The following BRAF variants were observed in gnomAD, a reference collection of about 807,000 sequenced individuals.
BRAF encodes serine/threonine-protein kinase B-raf.
A neutral mutation model predicts 104.6 loss-of-function variants in BRAF; 16 were observed. The observed-to-expected ratio is 0.15, with a 90% CI of 0.10 to 0.23. The LOEUF (loss-of-function observed/expected upper bound fraction) is 0.23, where lower values mean the gene tolerates loss of function less well. BRAF is among the 10% of genes least tolerant of loss of function. BRAF has a pLI of 1.00. For missense variants in BRAF, 541 were observed against 937.3 expected, an observed-to-expected ratio of 0.58 and a Z score of 5.52; for synonymous variants, 310 against 341.6, an observed-to-expected ratio of 0.91 and a Z score of 1.02.
intron 19 of BRAF, among the ~76,000 whole-genome samples, chr7:140,729,195 A>G (rs1795792320): frequency 6.6e-6 from 1 of 152,030 alleles, no homozygotes; most frequent in Non-Finnish European, 1.5e-5. Context: ...GGATTGTACC[A>G]CTGCACTCCA....
At chr7:140,805,091 C>T (rs1160690704) in intron 5 of BRAF, among the ~76,000 whole-genome samples, 4 of 152,172 alleles carry the variant, frequency 2.6e-5, no homozygotes, top group Non-Finnish European at 5.9e-5. Context: ...AGCCACTGTG[C>T]CCAGCCAAAA....
chr7:140,924,128 C>T lies in BRAF; in HGVS notation c.138+438G>A, dbSNP rs1818574913. Among the ~76,000 whole-genome samples, 3 of 152,116 alleles carry T rather than the reference C, an allele frequency of 2.0e-5. No individual in the cohort carries two copies. Among genetic ancestry groups the T allele is most frequent in the South Asian group, 4.2e-4 (2 of 4,816 alleles). On this transcript the variant is annotated intron_variant, in intron 1 of 19. Coordinates refer to ENST00000644969, the MANE Select transcript of BRAF (RefSeq NM_001374258.1). The surrounding 1 kb of genome is among the most constrained non-coding windows in gnomAD (Gnocchi z 4.2). ...TGATGAGCCCCATCATCCCCACGACCATGTAAGAATTACACGCGACAGTAA... is the reference window on the plus strand; with the variant it reads ...TGATGAGCCCCATCATCCCCACGACTATGTAAGAATTACACGCGACAGTAA...
chr7:140,840,353 C>T (rs1186544729), intron 2 of BRAF, among the ~76,000 whole-genome samples: 1 of 84,016 alleles, frequency 1.2e-5, no homozygotes, highest in Non-Finnish European at 2.0e-5. Flanking sequence ...ATTCCATCCA[C>T]ATTTAAACTT....
At chr7:140,726,608 A>G in intron 19 of BRAF, 1 of 1,112,936 alleles carries the variant, frequency 9.0e-7, no homozygotes, top group East Asian at 2.6e-5. Context: ...ACTGAAAAGT[A>G]ACTAGTTATA....
chr7:140,840,660 G>A (rs1586362387), intron 2 of BRAF, among the ~76,000 whole-genome samples: 1 of 151,388 alleles, frequency 6.6e-6, no homozygotes, highest in Non-Finnish European at 1.5e-5. Flanking sequence ...GCACAGTGAC[G>A]CATGCCTGTA....
At chr7:140,909,864 C>CAA (rs1816782813) in intron 1 of BRAF, among the ~76,000 whole-genome samples, 1 of 151,894 alleles carries the variant, frequency 6.6e-6, no homozygotes, top group South Asian at 2.1e-4. Context: ...GCCTCATACA[C>CAA]AAAATGGAGT....
At chr7:140,789,616 G>GT (rs1442628250) in intron 8 of BRAF, among the ~76,000 whole-genome samples, 3 of 152,218 alleles carry the variant, frequency 2.0e-5, no homozygotes, top group Admixed American at 6.5e-5. Flanking sequence ...CTCATGGGAA[G>GT]TAAGATGCAC....
chr7:140,721,950 G>C lies in BRAF; in HGVS notation c.*4544C>G. The C allele has an allele frequency of 8.0e-7, 1 of 1,243,022 alleles. No homozygotes were observed. The highest frequency in any genetic ancestry group is 3.2e-5 in the East Asian group (1 of 30,986). The allele number at this position is 1,243,022 out of a possible 1,614,324, so 77.0% of individuals were successfully genotyped here. A position where few individuals can be genotyped will look rare whatever the true frequency, so the allele number is the denominator to read the frequency against. ...CTCTGAAAAATCAGTGTCTAGGTTG[G>C]CAGCAGTACTCTGGAAACTGATAAA... On this transcript the variant is annotated 3_prime_UTR_variant, in exon 20 of 20. Coordinates refer to ENST00000644969, the MANE Select transcript of BRAF (RefSeq NM_001374258.1).
downstream of BRAF, among the ~76,000 whole-genome samples, chr7:140,717,903 T>C (rs1215112994): frequency 3.0e-4 from 46 of 152,184 alleles, no homozygotes; most frequent in Admixed American, 3.0e-3. Context: ...TTTTTATTTT[T>C]AGCGTGGGTG....
chr7:140,716,774 T>A (rs1490419482), downstream of BRAF, among the ~76,000 whole-genome samples: 1 of 152,170 alleles, frequency 6.6e-6, no homozygotes, highest in East Asian at 1.9e-4. Flanking sequence ...TAATAAAGTT[T>A]GAGATGAGAG....
chr7:140,784,074 T>C (rs931845005), intron 10 of BRAF, among the ~76,000 whole-genome samples: 3 of 152,022 alleles, frequency 2.0e-5, no homozygotes, highest in African/African-American at 7.3e-5. Flanking sequence ...TACAGCTGAG[T>C]AGAACTCAGA....
chr7:140,901,163 TAA>T (rs1815585068), intron 1 of BRAF, among the ~76,000 whole-genome samples: 1 of 152,186 alleles, frequency 6.6e-6, no homozygotes, highest in African/African-American at 2.4e-5. Context: ...AGAAACTAAT[TAA>T]AGTTTGTATG....
intron 3 of BRAF, among the ~76,000 whole-genome samples, chr7:140,831,155 T>C (rs984288597): frequency 1.6e-4 from 25 of 152,178 alleles, no homozygotes; most frequent in African/African-American, 5.8e-4. Flanking sequence ...TTGCAGACAA[T>C]TGGGTGGAGA....
Position 140,924,683 on chromosome 7 carries a change from G to T in BRAF, c.21C>A (p.Gly7=), listed in dbSNP as rs1196182256. Residue 7 remains glycine (G), a synonymous_variant, in exon 1 of 20, where the codon GGC becomes GGA. Transcript: ENST00000644969. The surrounding 1 kb of genome is among the most constrained non-coding windows in gnomAD (Gnocchi z 4.2). MAALSG[G]GGGGAEPGQA... ...GGCCCGGCTCCGCGCCGCCACCACC[G>T]CCACCGCTCAGCGCCGCCATCTTAT... The T allele has an allele frequency of 1.7e-6, 2 of 1,156,300 alleles. No individual in the cohort carries two copies. Among genetic ancestry groups the T allele is most frequent in the African/African-American group, 1.6e-5 (1 of 62,058 alleles). 71.6% of individuals were successfully genotyped at this position (1,156,300 alleles called of 1,614,324 possible).
intron 2 of BRAF, among the ~76,000 whole-genome samples, chr7:140,847,253 T>C (rs2129071581): frequency 6.6e-6 from 1 of 151,986 alleles, no homozygotes; most frequent in South Asian, 2.1e-4. Context: ...AAATATAAGC[T>C]TAAAAAGGCG....
intron 1 of BRAF, among the ~76,000 whole-genome samples, chr7:140,878,658 A>C (rs1292756361): frequency 7.2e-5 from 11 of 152,214 alleles, no homozygotes; most frequent in Non-Finnish European, 1.5e-4. Flanking sequence ...CTGGACAGAA[A>C]CAGTAAGTTC....
chr7:140,831,903 A>G (rs1266083920), intron 3 of BRAF, among the ~76,000 whole-genome samples: 2 of 152,110 alleles, frequency 1.3e-5, no homozygotes, highest in Non-Finnish European at 2.9e-5. Flanking sequence ...AGGCAAATCC[A>G]CTTCTTTGTA....
intron 1 of BRAF, among the ~76,000 whole-genome samples, chr7:140,921,801 TA>T (rs11284205): frequency 0.3 from 44,428 of 146,176 alleles, 10,467 homozygotes; most frequent in African/African-American, 0.66. Flanking sequence ...AACTTTTATT[TA>T]AAAAAAAAAA....
intron 1 of BRAF, among the ~76,000 whole-genome samples, chr7:140,870,724 C>T (rs1186676607): frequency 1.3e-5 from 2 of 151,862 alleles, no homozygotes; most frequent in South Asian, 2.1e-4. Context: ...AACGGAACCA[C>T]GAAGAGCACT....
Sources: gnomAD v4.1 joint callset for allele counts (sites outside exome capture counted in the v4.1 genomes callset) on GRCh38, gnomAD v4.1.1 for gene constraint, Gnocchi (gnomAD v3.1) non-coding constraint, MANE v1.5 for transcripts, NCBI Gene and HGNC (gene_info 2026-07-23, HGNC 2026-07-21) for gene names.